The following PSD3 variants were observed in gnomAD, a reference collection of about 807,000 sequenced individuals.
PSD3 encodes pleckstrin and Sec7 domain containing 3.
A neutral mutation model predicts 105.5 loss-of-function variants in PSD3; 49 were observed. The ratio of observed to expected loss-of-function variants is 0.46; its 90% CI spans 0.37 to 0.59. The LOEUF (loss-of-function observed/expected upper bound fraction) is 0.59. Among genes scored for constraint, PSD3 ranks in the 20% least tolerant of loss-of-function variants. PSD3 has a pLI of 0.00. For synonymous variants in PSD3, 557 were observed against 457.8 expected (o/e 1.22, Z -2.77); for missense variants, 1,561 against 1,263.8 (o/e 1.24, Z -3.57).
At chr8:19,025,453 C>A (rs1827514766) in intron 1 of PSD3, among the ~76,000 whole-genome samples, 1 of 152,184 alleles carries the variant, frequency 6.6e-6, no homozygotes, top group Non-Finnish European at 1.5e-5. Flanking sequence ...AAGCTCCAGA[C>A]TTTCACTATT....
chr8:18,652,254 T>C (rs970644700), intron 10 of PSD3, among the ~76,000 whole-genome samples: 6 of 152,020 alleles, frequency 3.9e-5, no homozygotes, highest in African/African-American at 9.7e-5. Flanking sequence ...GAGCTGTATA[T>C]ATATATAGGA....
chr8:18,887,831 T>C (rs1440523287), intron 2 of PSD3, among the ~76,000 whole-genome samples: 1 of 152,168 alleles, frequency 6.6e-6, no homozygotes, highest in African/African-American at 2.4e-5. Flanking sequence ...AGTAATAATA[T>C]AAGCAGGATA....
chr8:18,663,347 A>C (rs1477174295), intron 9 of PSD3, among the ~76,000 whole-genome samples: 2 of 152,076 alleles, frequency 1.3e-5, no homozygotes, highest in Admixed American at 6.6e-5. Flanking sequence ...GATTGCTTCA[A>C]CCAGGGAGGT....
intron 9 of PSD3, among the ~76,000 whole-genome samples, chr8:18,662,101 C>T (rs1321843553): frequency 6.6e-6 from 1 of 151,928 alleles, no homozygotes; most frequent in African/African-American, 2.4e-5. Context: ...GATGTACTTC[C>T]AAACCCAGTC....
intron 8 of PSD3, among the ~76,000 whole-genome samples, chr8:18,779,249 G>A (rs1019584248): frequency 2.0e-5 from 3 of 152,014 alleles, no homozygotes; most frequent in African/African-American, 4.8e-5. Context: ...AGTTGTTCAC[G>A]ATAGTCTCTA....
At chr8:18,573,976 C>T (rs548128636) in intron 13 of PSD3, among the ~76,000 whole-genome samples, 152 of 152,138 alleles carry the variant, frequency 1.0e-3, no homozygotes, top group African/African-American at 3.4e-3. Context: ...ATTTAGAAAA[C>T]CCACCTGAGA....
chr8:18,615,183 T>C (rs1055016011), intron 11 of PSD3, among the ~76,000 whole-genome samples: 1 of 151,938 alleles, frequency 6.6e-6, no homozygotes, highest in Non-Finnish European at 1.5e-5. Flanking sequence ...AATTACCTAC[T>C]CCACCCTGAC....
intron 14 of PSD3, among the ~76,000 whole-genome samples, chr8:18,570,431 A>T (rs1162903164): frequency 7.7e-6 from 1 of 129,142 alleles, no homozygotes; most frequent in Non-Finnish European, 1.6e-5. Context: ...TGTCTAAAAC[A>T]CCAAAAGCAA....
chr8:18,823,814 A>ACACC (rs1217340257), intron 4 of PSD3, among the ~76,000 whole-genome samples: 2 of 149,102 alleles, frequency 1.3e-5, no homozygotes, highest in East Asian at 2.0e-4. Context: ...ACACACACAC[A>ACACC]CCCCATTCCA....
chr8:19,070,283 C>CA (rs1347702058), intron 1 of PSD3, among the ~76,000 whole-genome samples: 2 of 145,258 alleles, frequency 1.4e-5, no homozygotes, highest in Non-Finnish European at 3.0e-5. Context: ...ACTCCATCAG[C>CA]AAAAAAATTT....
At chr8:18,666,419 T>C (rs892496334) in intron 9 of PSD3, among the ~76,000 whole-genome samples, 1 of 152,358 alleles carries the variant, frequency 6.6e-6, no homozygotes, top group African/African-American at 2.4e-5. Flanking sequence ...TCGCGGTATT[T>C]GTTTTATTGC....
chr8:18,773,817 T>A (rs1807777752), intron 8 of PSD3, among the ~76,000 whole-genome samples: 1 of 152,200 alleles, frequency 6.6e-6, no homozygotes, highest in South Asian at 2.1e-4. Flanking sequence ...TTCACAGTGA[T>A]TCTGTGGAAT....
chr8:18,737,107 T>G (rs1804204274), intron 9 of PSD3, among the ~76,000 whole-genome samples: 1 of 152,210 alleles, frequency 6.6e-6, no homozygotes, highest in Admixed American at 6.5e-5. Flanking sequence ...ACTGTTCTCT[T>G]TCCAGATCAA....
In PSD3 at chr8:18,649,930, G is replaced by A. The variant is rs184226627; in HGVS notation, c.2216+5712C>T. ...TTCCTGAGGCTTCCCCAGAAGCTGA[G>A]CAGATGCTAGCATCATACTTCCTGT... On this transcript the variant is annotated intron_variant, in intron 10 of 15. Coordinates refer to ENST00000327040, the MANE Select transcript of PSD3 (RefSeq NM_015310.4). Among the ~76,000 whole-genome samples, 125 of 152,306 alleles carry A rather than the reference G, an allele frequency of 8.2e-4. 3 individuals carry two copies. The East Asian group carries it at 0.014, about 17-fold the overall frequency.
chr8:18,627,107 C>T (rs1176336046), intron 11 of PSD3, among the ~76,000 whole-genome samples: 1 of 151,960 alleles, frequency 6.6e-6, no homozygotes, highest in African/African-American at 2.4e-5. Context: ...CATTTCAAAA[C>T]AGAAAACATT....
At chr8:18,994,602 C>T (rs1825971534) in intron 1 of PSD3, among the ~76,000 whole-genome samples, 1 of 151,886 alleles carries the variant, frequency 6.6e-6, no homozygotes, top group Non-Finnish European at 1.5e-5. Flanking sequence ...TTTCTAAGTA[C>T]AAGCAAAGAA....
At chr8:19,033,503 T>C (rs1269051861) in intron 1 of PSD3, among the ~76,000 whole-genome samples, 1 of 152,158 alleles carries the variant, frequency 6.6e-6, no homozygotes, top group African/African-American at 2.4e-5. Flanking sequence ...TCAGGACAAT[T>C]TAAAACGTCT....
chr8:18,543,166 C>G (rs1457691227), intron 15 of PSD3, among the ~76,000 whole-genome samples: 3 of 151,962 alleles, frequency 2.0e-5, no homozygotes, highest in Non-Finnish European at 2.9e-5. Context: ...TTTGATAAAG[C>G]CTTTTGTGAC....
intron 9 of PSD3, among the ~76,000 whole-genome samples, chr8:18,668,820 T>C (rs1055588780): frequency 2.6e-5 from 4 of 152,238 alleles, no homozygotes; most frequent in Admixed American, 2.0e-4. Flanking sequence ...GCAACTCTGA[T>C]AAATGTCTTG....
Sources: allele counts gnomAD v4.1 joint callset (sites outside exome capture counted in the v4.1 genomes callset), GRCh38; gene constraint gnomAD v4.1.1; transcripts MANE v1.5; gene names NCBI Gene and HGNC (gene_info 2026-07-23, HGNC 2026-07-21).